The following C1QTNF3 variants were observed in gnomAD, a reference collection of about 807,000 sequenced individuals.
The protein encoded by C1QTNF3 is complement C1q tumor necrosis factor-related protein 3.
A neutral mutation model predicts 32.6 loss-of-function variants in C1QTNF3; 26 were observed. The observed-to-expected ratio is 0.80, with a 90% CI of 0.58 to 1.11. The LOEUF is 1.11. C1QTNF3 is among the 50% of genes least tolerant of loss of function. The probability of loss-of-function intolerance (pLI) is 0.00; values close to 1 mark genes in which losing one functional copy is unlikely to be tolerated. For missense variants in C1QTNF3, 362 were observed against 398.2 expected (o/e 0.91, Z 0.77); for synonymous variants, 155 against 146.0 (o/e 1.06, Z -0.44).
At chr5:34,224,475 C>G in the C1QTNF3 span, among the ~76,000 whole-genome samples, 1 of 152,142 alleles carries the variant, frequency 6.6e-6, no homozygotes, top group African/African-American at 2.4e-5. Flanking sequence ...TGGAACAGAA[C>G]AGAGCCCTCA....
chr5:34,041,670 A>G (rs1754874274), intron 1 of C1QTNF3, among the ~76,000 whole-genome samples: 1 of 152,184 alleles, frequency 6.6e-6, no homozygotes, highest in African/African-American at 2.4e-5. Flanking sequence ...TTTAGAGATT[A>G]TCATTTCTTC....
In C1QTNF3 at chr5:34,028,802, C is replaced by G. The variant is rs763298981; in HGVS notation, c.652G>C (p.Gly218Arg). Residue 218 changes from glycine (G) to arginine (R), a missense_variant, in exon 4 of 6, where the codon GGA becomes CGA. Transcript: ENST00000382065. ...CCAGTCATGACATCAAAGAAGTTTC[C>G]AATGTTGGTCTCAACACTGCTGAAG... is the stretch of plus-strand genomic sequence containing the variant. ...IIFSSVETNI[G>R]NFFDVMTGRF... The G allele has an allele frequency of 1.3e-5, 21 of 1,612,388 alleles. No individual in the cohort carries two copies. The South Asian group carries it at 2.3e-4, about 18-fold the overall frequency.
chr5:34,146,202 G>A, the C1QTNF3 span, among the ~76,000 whole-genome samples: 1 of 152,146 alleles, frequency 6.6e-6, no homozygotes, highest in Non-Finnish European at 1.5e-5. Flanking sequence ...AGAAAAAGAA[G>A]ATGACACTAA....
the C1QTNF3 span, among the ~76,000 whole-genome samples, chr5:34,063,524 G>A: frequency 5.9e-5 from 9 of 152,152 alleles, no homozygotes; most frequent in East Asian, 1.9e-4. Context: ...CTGGTGGGGG[G>A]GCTGGGGGGA....
chr5:34,052,664 T>C, the C1QTNF3 span, among the ~76,000 whole-genome samples: 1 of 152,324 alleles, frequency 6.6e-6, no homozygotes, highest in Admixed American at 6.5e-5. Flanking sequence ...AAAAGAGACA[T>C]TGCTGCAGCA....
the C1QTNF3 span, among the ~76,000 whole-genome samples, chr5:34,069,369 T>C: frequency 1.3e-5 from 2 of 152,064 alleles, no homozygotes. Context: ...TTATTTATTA[T>C]CTGTATTTTC....
chr5:34,115,379 G>T, the C1QTNF3 span, among the ~76,000 whole-genome samples: 1 of 152,128 alleles, frequency 6.6e-6, no homozygotes, highest in African/African-American at 2.4e-5. Context: ...AGGTACAGTA[G>T]TTTTGAAAAC....
chr5:34,138,363 A>G, the C1QTNF3 span, among the ~76,000 whole-genome samples: 5 of 152,196 alleles, frequency 3.3e-5, no homozygotes, highest in Admixed American at 6.5e-5. Flanking sequence ...TATATACAAC[A>G]TATAAAATAA....
chr5:34,064,632 G>A, the C1QTNF3 span, among the ~76,000 whole-genome samples: 139 of 152,290 alleles, frequency 9.1e-4, no homozygotes, highest in African/African-American at 3.2e-3. Context: ...ACACACTGCC[G>A]GATCTGGAGG....
chr5:34,082,793 G>A, the C1QTNF3 span, among the ~76,000 whole-genome samples: 1 of 151,718 alleles, frequency 6.6e-6, no homozygotes, highest in Admixed American at 6.6e-5. Flanking sequence ...CAGCAAATGA[G>A]CTTCAATGTG....
the C1QTNF3 span, among the ~76,000 whole-genome samples, chr5:34,170,897 T>C: frequency 6.6e-6 from 1 of 152,286 alleles, no homozygotes; most frequent in Non-Finnish European, 1.5e-5. Flanking sequence ...ACAGATTCAA[T>C]TTTTCTGATA....
At chr5:34,224,386 A>G in the C1QTNF3 span, among the ~76,000 whole-genome samples, 1 of 152,218 alleles carries the variant, frequency 6.6e-6, no homozygotes. Flanking sequence ...GCATCACGCT[A>G]CCTGACTTCA....
At chr5:34,222,979 G>A in the C1QTNF3 span, among the ~76,000 whole-genome samples, 2 of 152,008 alleles carry the variant, frequency 1.3e-5, no homozygotes, top group African/African-American at 4.8e-5. Flanking sequence ...AGTGCATGGT[G>A]TAGTGCTATA....
At chr5:34,120,767 G>A in the C1QTNF3 span, among the ~76,000 whole-genome samples, 6 of 152,186 alleles carry the variant, frequency 3.9e-5, no homozygotes, top group Non-Finnish European at 8.8e-5. Context: ...CCCCAGCCAC[G>A]TGGAACCGTG....
the C1QTNF3 span, among the ~76,000 whole-genome samples, chr5:34,115,761 A>G: frequency 6.6e-6 from 1 of 150,878 alleles, no homozygotes; most frequent in South Asian, 2.1e-4. Context: ...TTCAGCTGGT[A>G]TGTCTTGATT....
the C1QTNF3 span, among the ~76,000 whole-genome samples, chr5:34,131,557 T>C: frequency 6.6e-6 from 1 of 152,108 alleles, no homozygotes; most frequent in East Asian, 1.9e-4. Flanking sequence ...TTCTCACTCA[T>C]ATGTGGAAAC....
At chr5:34,239,339 G>A in the C1QTNF3 span, 21 of 152,156 alleles carry the variant, frequency 1.4e-4, no homozygotes, top group South Asian at 3.5e-3. Flanking sequence ...CTTAAATGAC[G>A]TACAATGGCA....
At chr5:34,141,668 G>T in the C1QTNF3 span, among the ~76,000 whole-genome samples, 2 of 152,138 alleles carry the variant, frequency 1.3e-5, no homozygotes, top group African/African-American at 4.8e-5. Flanking sequence ...TTTATATGTG[G>T]AATCTTAAAA....
intron 5 of C1QTNF3, among the ~76,000 whole-genome samples, chr5:34,021,109 T>C (rs1338927479): frequency 6.6e-6 from 1 of 152,232 alleles, no homozygotes; most frequent in African/African-American, 2.4e-5. Flanking sequence ...AGTTATATTA[T>C]GTTTGAGCTA....
Sources: allele counts gnomAD v4.1 joint callset (sites outside exome capture counted in the v4.1 genomes callset), GRCh38; gene constraint gnomAD v4.1.1; transcripts MANE v1.5; gene names NCBI Gene and HGNC (gene_info 2026-07-23, HGNC 2026-07-21).